The following COL5A2 variants were observed in gnomAD, a reference collection of about 807,000 sequenced individuals.
The protein encoded by COL5A2 is collagen alpha-2(V) chain.
COL5A2 carries 23 observed loss-of-function variants against 208.2 expected under a neutral mutation model. That is an observed-to-expected ratio of 0.11 (90% CI 0.08 to 0.16). The LOEUF (loss-of-function observed/expected upper bound fraction) is 0.16. COL5A2 is among the 10% of genes least tolerant of loss of function. The pLI is 1.00. For missense variants in COL5A2, 1,590 were observed against 1,956.4 expected (o/e 0.81, Z 3.53); for synonymous variants, 625 against 628.5 (o/e 0.99, Z 0.08).
intron 47 of COL5A2, among the ~76,000 whole-genome samples, chr2:189,043,852 C>T (rs1685610151): frequency 6.6e-6 from 1 of 152,194 alleles, no homozygotes; most frequent in African/African-American, 2.4e-5. Flanking sequence ...TCTGCAATAT[C>T]TGTAACCAAA....
upstream of COL5A2, among the ~76,000 whole-genome samples, chr2:189,226,006 T>C (rs967513049): frequency 6.6e-6 from 1 of 152,206 alleles, no homozygotes; most frequent in African/African-American, 2.4e-5. Flanking sequence ...TTCTGTGCAC[T>C]AGTTTTCACC....
the COL5A2 span, among the ~76,000 whole-genome samples, chr2:189,363,713 A>C: frequency 6.6e-6 from 1 of 152,142 alleles, no homozygotes; most frequent in Non-Finnish European, 1.5e-5. Context: ...CTTCCTCTTC[A>C]TTACCATCTC....
Position 189,092,300 on chromosome 2 carries a change from C to T in COL5A2, c.567+10G>A. The T allele has an allele frequency of 6.4e-7, 1 of 1,557,770 alleles. No homozygotes were observed. Among genetic ancestry groups the T allele is most frequent in the Non-Finnish European group, 8.8e-7 (1 of 1,134,478 alleles). ...CCTGTACGTGACATCAAACAATGCACACAACTCACCCTGCTCAAGCCATCG... is the reference window on the plus strand; with the variant it reads ...CCTGTACGTGACATCAAACAATGCATACAACTCACCCTGCTCAAGCCATCG... On this transcript the variant is annotated intron_variant, in intron 7 of 53. Transcript: ENST00000374866.
chr2:189,229,656 T>C (rs892629829), upstream of COL5A2, among the ~76,000 whole-genome samples: 1 of 151,590 alleles, frequency 6.6e-6, no homozygotes, highest in Non-Finnish European at 1.5e-5. Flanking sequence ...CTAAAAACTA[T>C]AAGACATTAA....
At chr2:189,301,558 C>G in the COL5A2 span, among the ~76,000 whole-genome samples, 1 of 152,020 alleles carries the variant, frequency 6.6e-6, no homozygotes. Flanking sequence ...ATTGTTTGCC[C>G]AAATTTTATG....
chr2:189,037,134 C>G (rs1251026644), intron 51 of COL5A2, among the ~76,000 whole-genome samples: 1 of 151,796 alleles, frequency 6.6e-6, no homozygotes, highest in Non-Finnish European at 1.5e-5. Context: ...GATGTGTTTC[C>G]AATATTTTAA....
chr2:189,162,423 T>C (rs1688385046), intron 1 of COL5A2, among the ~76,000 whole-genome samples: 1 of 152,216 alleles, frequency 6.6e-6, no homozygotes, highest in African/African-American at 2.4e-5. Context: ...TTTTGTTTAA[T>C]AAAACGTTGA....
chr2:189,321,492 C>T, the COL5A2 span, among the ~76,000 whole-genome samples: 1 of 151,874 alleles, frequency 6.6e-6, no homozygotes, highest in Non-Finnish European at 1.5e-5. Flanking sequence ...AAATGGAAAA[C>T]AAAAAATGGC....
the COL5A2 span, among the ~76,000 whole-genome samples, chr2:189,423,598 T>C: frequency 6.6e-6 from 1 of 152,066 alleles, no homozygotes; most frequent in Non-Finnish European, 1.5e-5. Context: ...TGAACAATTA[T>C]ATGCCAACAA....
the COL5A2 span, among the ~76,000 whole-genome samples, chr2:189,318,796 G>A: frequency 0.017 from 2,578 of 152,276 alleles, 74 homozygotes; most frequent in African/African-American, 0.059. Flanking sequence ...GATAACGTGG[G>A]GCTTGGGGGT....
At chr2:189,161,650 A>G (rs1688366739) in intron 1 of COL5A2, among the ~76,000 whole-genome samples, 1 of 152,208 alleles carries the variant, frequency 6.6e-6, no homozygotes, top group Admixed American at 6.5e-5. Flanking sequence ...AAGAAAATAT[A>G]TTTTGCTTGA....
chr2:189,276,757 C>T, the COL5A2 span, among the ~76,000 whole-genome samples: 1 of 151,880 alleles, frequency 6.6e-6, no homozygotes, highest in South Asian at 2.1e-4. Flanking sequence ...TTTTTAAAAC[C>T]TTAGATTTAT....
At chr2:189,429,281 G>A in the COL5A2 span, among the ~76,000 whole-genome samples, 12 of 152,162 alleles carry the variant, frequency 7.9e-5, no homozygotes, top group African/African-American at 2.9e-4. Context: ...AAAAAGAAAG[G>A]AATAACTTAC....
chr2:189,110,207 G>C lies in COL5A2; in HGVS notation c.322+18C>G, dbSNP rs201708256. 114 of 1,510,496 alleles carry C rather than the reference G, an allele frequency of 7.5e-5. 1 individual carries two copies. In the African/African-American group the frequency reaches 1.4e-3, roughly 19 times the overall value. 93.6% of individuals were successfully genotyped at this position (1,510,496 alleles called of 1,614,324 possible). On this transcript the variant is annotated intron_variant, in intron 2 of 53. Transcript: ENST00000374866. ...TGAGTAACTGGATCAATTATGAGTT[G>C]GCCCTAAACATTCTTACCAAAATTG... is the stretch of plus-strand genomic sequence containing the variant.
intron 1 of COL5A2, among the ~76,000 whole-genome samples, chr2:189,128,659 A>C (rs1687654128): frequency 6.6e-6 from 1 of 151,944 alleles, no homozygotes; most frequent in Non-Finnish European, 1.5e-5. Flanking sequence ...TTTTAGAAGC[A>C]TCTCTAGTAT....
chr2:189,057,376 G>C lies in COL5A2; in HGVS notation c.2281C>G (p.Gln761Glu). 6.2e-7 allele frequency: 1 copy of C among 1,607,736 alleles called. No homozygotes were observed. The highest frequency in any genetic ancestry group is 8.5e-7 in the Non-Finnish European group (1 of 1,177,518). Residue 761 changes from glutamine (Q) to glutamate (E), a missense_variant, in exon 34 of 54, where the codon CAA becomes GAA. By Grantham distance (29) the Gln-to-Glu change is conservative (BLOSUM62 2). Transcript: ENST00000374866. ...TPGDTGPPGLQGMPGERGIAG... is the reference protein window; with the variant it reads ...TPGDTGPPGLEGMPGERGIAG... The stretch of plus-strand genomic sequence containing the variant: ...ATTCCTCTTTCTCCCGGCATACCTT[G>C]AAGACCTGGTGGGCCTGTATCTCCA...
At chr2:189,293,913 A>G in the COL5A2 span, among the ~76,000 whole-genome samples, 83 of 152,158 alleles carry the variant, frequency 5.5e-4, no homozygotes, top group South Asian at 2.1e-3. Context: ...GTGAAACCCC[A>G]TCTCTACTAA....
chr2:189,353,899 C>A, the COL5A2 span, among the ~76,000 whole-genome samples: 2 of 152,108 alleles, frequency 1.3e-5, no homozygotes, highest in Non-Finnish European at 2.9e-5. Context: ...AGTTTTTGCC[C>A]ATTTAGTATG....
rs1270966924 is a variant in COL5A2, at chr2:189,032,292, G to A, written c.*1778C>T. 1 of 152,066 alleles carries A rather than the reference G, an allele frequency of 6.6e-6. No individual in the cohort carries two copies. Among genetic ancestry groups the A allele is most frequent in the Admixed American group, 6.6e-5 (1 of 15,246 alleles). 9.4% of individuals were successfully genotyped at this position (152,066 alleles called of 1,614,324 possible). A position where few individuals can be genotyped will look rare whatever the true frequency, so the allele number is the denominator to read the frequency against. ...CCCTTTTTATCAATAATACTACTCT[G>A]ACATTTTTAAGGGCAGAGGCAGTGA... On this transcript the variant is annotated 3_prime_UTR_variant, in exon 54 of 54. Coordinates refer to ENST00000374866, the MANE Select transcript of COL5A2 (RefSeq NM_000393.5).
Sources: gnomAD v4.1 joint callset for allele counts (sites outside exome capture counted in the v4.1 genomes callset) on GRCh38, gnomAD v4.1.1 for gene constraint, MANE v1.5 for transcripts, NCBI Gene and HGNC (gene_info 2026-07-23, HGNC 2026-07-21) for gene names.